Variants in RNF208 observed in about 807,000 individuals in gnomAD.
RNF208 encodes ring finger protein 208.
In RNF208, 7 loss-of-function variants were observed where a neutral mutation model predicts 15.2. The ratio of observed to expected loss-of-function variants is 0.46; its 90% confidence interval spans 0.26 to 0.86. The LOEUF is 0.86. Ranked by LOEUF, RNF208 falls within the 40% of genes least tolerant of loss-of-function variation. RNF208 has a pLI of 0.16. For missense variants in RNF208, 342 were observed against 364.1 expected (o/e 0.94, Z 0.49); for synonymous variants, 211 against 163.2 (o/e 1.29, Z -2.23).
rs756009436 is a variant in RNF208, at chr9:137,220,554, G to A, written c.659C>T (p.Thr220Met). 6.2e-6 allele frequency: 10 copies of A among 1,609,602 alleles called. No homozygotes were observed. The highest frequency in any genetic ancestry group is 2.2e-5 in the East Asian group (1 of 44,790). Reference protein sequence around the residue: ...ILSRLPPEALTAPSGGQWGAE... With the variant: ...ILSRLPPEALMAPSGGQWGAE... The stretch of plus-strand genomic sequence containing the variant: ...CCCCCACTGACCCCCGGATGGGGCC[G>A]TCAGCGCCTCAGGCGGCAGGCGGCT... Residue 220 changes from threonine (T) to methionine (M), a missense_variant, in exon 2 of 2, where the codon ACG becomes ATG. Transcript: ENST00000391553.
Position 137,220,421 on chromosome 9 carries a change from G to A in RNF208, c.*6C>T, listed in dbSNP as rs1588828935. ...TCAGCGGGCAGTGGCGGGCAGGCAGGCGCTACTACATGATGGAGCAGGCGG... is the reference window on the plus strand; with the variant it reads ...TCAGCGGGCAGTGGCGGGCAGGCAGACGCTACTACATGATGGAGCAGGCGG... On this transcript the variant is annotated 3_prime_UTR_variant, in exon 2 of 2. Transcript: ENST00000391553. 6 of 1,555,102 alleles carry A rather than the reference G, an allele frequency of 3.9e-6. No individual in the cohort carries two copies. The highest frequency in any genetic ancestry group is 2.7e-5 in the African/African-American group (2 of 74,186).
At position 137,221,250 on chromosome 9, in the gene RNF208, G is replaced by A; in HGVS notation, c.-38C>T. On this transcript the variant is annotated 5_prime_UTR_variant, in exon 2 of 2. Coordinates refer to ENST00000391553, the MANE Select transcript of RNF208 (RefSeq NM_031297.7). ...AGTCAGACTGGATGTTCGGGTGGGT[G>A]GGGGCGTTGTGTGGGGCTGGGGGGC... The A allele has an allele frequency of 7.2e-7, 1 of 1,392,608 alleles. No individual in the cohort carries two copies. Among genetic ancestry groups the A allele is most frequent in the Non-Finnish European group, 9.4e-7 (1 of 1,061,710 alleles). The allele number at this position is 1,392,608 out of a possible 1,614,324, so 86.3% of individuals were successfully genotyped here.
At position 137,221,279 on chromosome 9, in the gene RNF208, T is replaced by A; in HGVS notation, c.-67A>T. 1.0e-6 allele frequency: 1 copy of A among 977,110 alleles called. No individual in the cohort carries two copies. The highest frequency in any genetic ancestry group is 3.5e-5 in the East Asian group (1 of 28,444). 60.5% of individuals were successfully genotyped at this position (977,110 alleles called of 1,614,324 possible). A position where few individuals can be genotyped will look rare whatever the true frequency, so the allele number is the denominator to read the frequency against. On this transcript the variant is annotated 5_prime_UTR_variant, in exon 2 of 2. Coordinates refer to ENST00000391553, the MANE Select transcript of RNF208 (RefSeq NM_031297.7). ...GCGTTGTGTGGGGCTGGGGGGCAGG[T>A]GACAGGGCAGCATCCTGGTCCCGCC...
In RNF208 at chr9:137,221,242, G is replaced by A; in HGVS notation, c.-30C>T. On this transcript the variant is annotated 5_prime_UTR_variant, in exon 2 of 2. Coordinates refer to ENST00000391553, the MANE Select transcript of RNF208 (RefSeq NM_031297.7). ...CTGTCTCCAGTCAGACTGGATGTTC[G>A]GGTGGGTGGGGGCGTTGTGTGGGGC... The A allele has an allele frequency of 2.1e-6, 3 of 1,408,718 alleles. No individual in the cohort carries two copies. The highest frequency in any genetic ancestry group is 2.8e-6 in the Non-Finnish European group (3 of 1,074,660). The allele number at this position is 1,408,718 out of a possible 1,614,324, so 87.3% of individuals were successfully genotyped here.
chr9:137,220,787 C>T lies in RNF208; in HGVS notation c.426G>A (p.Glu142=), dbSNP rs1835849140. ...TGTAGGAGTGCCCACAGGTGGGGCACTCCAGGGGCTCGCCTGCCGCCGCCG... is the reference window on the plus strand; with the variant it reads ...TGTAGGAGTGCCCACAGGTGGGGCATTCCAGGGGCTCGCCTGCCGCCGCCG... The part of the protein sequence containing the change: ...ASSAAAGEPL[E]CPTCGHSYNV... Residue 142 remains glutamate, a synonymous_variant, in exon 2 of 2, where the codon GAG becomes GAA. Transcript: ENST00000391553. 2 of 1,609,872 alleles carry T rather than the reference C, an allele frequency of 1.2e-6. No homozygotes were observed. The highest frequency in any genetic ancestry group is 1.7e-6 in the Non-Finnish European group (2 of 1,178,600).
chr9:137,221,281 A>C lies in RNF208; in HGVS notation c.-69T>G. 3 of 1,102,544 alleles carry C rather than the reference A, an allele frequency of 2.7e-6. No homozygotes were observed. Among genetic ancestry groups the C allele is most frequent in the Admixed American group, 3.3e-5 (1 of 30,604 alleles). 68.3% of individuals were successfully genotyped at this position (1,102,544 alleles called of 1,614,324 possible). On this transcript the variant is annotated 5_prime_UTR_variant, in exon 2 of 2. Coordinates refer to ENST00000391553, the MANE Select transcript of RNF208 (RefSeq NM_031297.7). The stretch of plus-strand genomic sequence containing the variant: ...GTTGTGTGGGGCTGGGGGGCAGGTG[A>C]CAGGGCAGCATCCTGGTCCCGCCAG...
rs774319617 is a variant in RNF208 at position 137,220,940 on chromosome 9, G to C, written c.273C>G (p.Thr91=). ...TACGGGGCCGCCGTGGCAGTGGCGG[G>C]GTATGGGGTGCCCCTTCCAAGGCAG... ...DMPALEGAPH[T]PPLPRRPRKG... The change falls in exon 2 of 2, where the codon ACC becomes ACG. Residue 91 remains threonine (T), a synonymous_variant. Coordinates refer to ENST00000391553, the MANE Select transcript of RNF208 (RefSeq NM_031297.7). 30 of 1,551,830 alleles carry C rather than the reference G, an allele frequency of 1.9e-5. No homozygotes were observed. The highest frequency in any genetic ancestry group is 7.5e-5 in the Admixed American group (4 of 53,534).
upstream of RNF208, among the ~76,000 whole-genome samples, chr9:137,223,335 C>G (rs2131389359): frequency 6.6e-6 from 1 of 152,340 alleles, no homozygotes; most frequent in South Asian, 2.1e-4. Flanking sequence ...CAGCCTGGGC[C>G]TGGGGAGGGC....
At position 137,220,473 on chromosome 9, in the gene RNF208, C is replaced by A; in HGVS notation, c.740G>T (p.Cys247Phe). 6.3e-7 allele frequency: 1 copy of A among 1,598,192 alleles called. No individual in the cohort carries two copies. Among genetic ancestry groups the A allele is most frequent in the Non-Finnish European group, 8.5e-7 (1 of 1,172,580 alleles). The change falls in exon 2 of 2, where the codon TGC becomes TTC. Residue 247 changes from cysteine (C) to phenylalanine (F), a missense_variant. This residue lies in a region of RNF208 where 59 missense variants were observed against 52.4 expected (regional missense o/e 1.13). Transcript: ENST00000391553. Reference protein sequence around the residue: ...QTFRQYCGAACTCHVRNPLSA... With the variant: ...QTFRQYCGAAFTCHVRNPLSA... ...CAGTGGGTTCCGCACGTGGCAGGTG[C>A]ACGCGGCCCCACAGTACTGCCGGAA...
At chr9:137,223,036 C>T (rs1835896948), upstream of RNF208, among the ~76,000 whole-genome samples, 1 of 152,222 alleles carries the variant, frequency 6.6e-6, no homozygotes, top group African/African-American at 2.4e-5. Context: ...GACATCCTGG[C>T]CTCCTTCAGC....
At position 137,220,601 on chromosome 9, in the gene RNF208, C is replaced by T. The variant is rs763505353; in HGVS notation, c.612G>A (p.Leu204=). 15 of 1,612,042 alleles carry T rather than the reference C, an allele frequency of 9.3e-6. No homozygotes were observed. The highest frequency in any genetic ancestry group is 1.7e-5 in the Admixed American group (1 of 59,936). The change falls in exon 2 of 2, where the codon CTG becomes CTA. Residue 204 remains leucine, a synonymous_variant. Transcript: ENST00000391553. ...GGCTCAGGATGGACGTGTTGACAGC[C>T]AGCGCGGCCAGGCCGTAGTCGGTGA... The part of the protein sequence containing the change: ...VLFTDYGLAA[L]AVNTSILSRL...
rs1377904977 is a variant in RNF208, at chr9:137,222,160, CGGGCGCGGGCGTG to C, written c.-711_-699del. Among the ~76,000 whole-genome samples the C allele has an allele frequency of 1.4e-5, 2 of 146,094 alleles. No homozygotes were observed. Among genetic ancestry groups the C allele is most frequent in the Admixed American group, 6.8e-5 (1 of 14,694 alleles). ...GGGGCCCGGGCGGCACCGAGGGGCG[CGGGCGCGGGCGTG>C]GGGCGCGGGGCGCGGGTTTCGGCAC... On this transcript the variant is annotated 5_prime_UTR_variant, in exon 1 of 2. Coordinates refer to ENST00000391553, the MANE Select transcript of RNF208 (RefSeq NM_031297.7).
At position 137,222,032 on chromosome 9, in the gene RNF208, G is replaced by A. The variant is rs886536850; in HGVS notation, c.-570C>T. Among the ~76,000 whole-genome samples the A allele has an allele frequency of 1.3e-5, 2 of 150,922 alleles. No individual in the cohort carries two copies. The highest frequency in any genetic ancestry group is 3.0e-5 in the Non-Finnish European group (2 of 67,608). On this transcript the variant is annotated 5_prime_UTR_variant, in exon 1 of 2. Coordinates refer to ENST00000391553, the MANE Select transcript of RNF208 (RefSeq NM_031297.7). ...CCGGCCGCGCGCCGCCGCCGCAGAGGTTGTCTCAAAGGCAGGCCCGGACGC... is the reference window on the plus strand; with the variant it reads ...CCGGCCGCGCGCCGCCGCCGCAGAGATTGTCTCAAAGGCAGGCCCGGACGC...
At position 137,221,078 on chromosome 9, in the gene RNF208, C is replaced by G. The variant is rs371992033; in HGVS notation, c.135G>C (p.Pro45=). ...IVHPEKFPEL[P]AAPCFPPAPR... is the part of the protein sequence containing the mutation. ...GAGCAGGCGGGAAGCAGGGGGCAGC[C>G]GGTAGCTCAGGGAACTTTTCAGGGT... The change falls in exon 2 of 2, where the codon CCG becomes CCC. Residue 45 remains proline, a synonymous_variant. Coordinates refer to ENST00000391553, the MANE Select transcript of RNF208 (RefSeq NM_031297.7). 7.5e-6 allele frequency: 12 copies of G among 1,604,608 alleles called. No individual in the cohort carries two copies. The Middle Eastern group carries it at 2.0e-3, about 265-fold the overall frequency.
chr9:137,223,239 G>C (rs976299813), upstream of RNF208, among the ~76,000 whole-genome samples: 4 of 152,248 alleles, frequency 2.6e-5, no homozygotes, highest in African/African-American at 4.8e-5. Context: ...TCACTCAGAA[G>C]AGCAATAGGG....
chr9:137,221,248 GTGGGGGCGTTGTGTGGGGC>G lies in RNF208; in HGVS notation c.-55_-37del. On this transcript the variant is annotated 5_prime_UTR_variant, in exon 2 of 2. It removes the in-frame stop codon of an upstream open reading frame in the 5' UTR. Transcript: ENST00000391553. Reference sequence around the variant, plus strand: ...CCAGTCAGACTGGATGTTCGGGTGGGTGGGGGCGTTGTGTGGGGCTGGGGGGCAGGTGACAGGGCAGCAT... The same window carrying G: ...CCAGTCAGACTGGATGTTCGGGTGGGTGGGGGGCAGGTGACAGGGCAGCAT... 7.2e-7 allele frequency: 1 copy of G among 1,382,196 alleles called. No individual in the cohort carries two copies. The highest frequency in any genetic ancestry group is 9.5e-7 in the Non-Finnish European group (1 of 1,054,832). The allele number at this position is 1,382,196 out of a possible 1,614,324, so 85.6% of individuals were successfully genotyped here.
At position 137,220,778 on chromosome 9, in the gene RNF208, G is replaced by A. The variant is rs1053307591; in HGVS notation, c.435C>T (p.Thr145=). Reference sequence around the variant, plus strand: ...GGGTGACATTGTAGGAGTGCCCACAGGTGGGGCACTCCAGGGGCTCGCCTG... The same window carrying A: ...GGGTGACATTGTAGGAGTGCCCACAAGTGGGGCACTCCAGGGGCTCGCCTG... The part of the protein sequence containing the change: ...AAAGEPLECP[T]CGHSYNVTQR... The change falls in exon 2 of 2, where the codon ACC becomes ACT. Residue 145 remains threonine (T), a synonymous_variant. Coordinates refer to ENST00000391553, the MANE Select transcript of RNF208 (RefSeq NM_031297.7). The A allele has an allele frequency of 9.3e-6, 15 of 1,611,666 alleles. No homozygotes were observed. The Admixed American group carries it at 1.5e-4, about 16-fold the overall frequency.
chr9:137,221,234 G>T lies in RNF208; in HGVS notation c.-22C>A. 7.2e-7 allele frequency: 1 copy of T among 1,388,604 alleles called. No homozygotes were observed. Among genetic ancestry groups the T allele is most frequent in the Non-Finnish European group, 9.4e-7 (1 of 1,068,978 alleles). The allele number at this position is 1,388,604 out of a possible 1,614,324, so 86.0% of individuals were successfully genotyped here. ...GCATCCGGCTGTCTCCAGTCAGACT[G>T]GATGTTCGGGTGGGTGGGGGCGTTG... On this transcript the variant is annotated 5_prime_UTR_variant, in exon 2 of 2. Transcript: ENST00000391553.
In RNF208 at chr9:137,220,686, T is replaced by A; in HGVS notation, c.527A>T (p.Glu176Val). The stretch of plus-strand genomic sequence containing the variant: ...GATGAACTTGTACTTGGGGCAGGAC[T>A]CGTAGAGAATCTGCAGGCACTGCTC... ...VCEQCLQILY[E>V]SCPKYKFISC... is the part of the protein sequence containing the mutation. Residue 176 changes from glutamate (E) to valine (V), a missense_variant, in exon 2 of 2, where the codon GAG becomes GTG. Glu to Val is a moderately radical substitution (Grantham distance 121). This residue lies in a region of RNF208 where 76 missense variants were observed against 118.0 expected (regional missense o/e 0.64). Coordinates refer to ENST00000391553, the MANE Select transcript of RNF208 (RefSeq NM_031297.7). The A allele has an allele frequency of 6.2e-7, 1 of 1,612,452 alleles. No homozygotes were observed. The highest frequency in any genetic ancestry group is 8.5e-7 in the Non-Finnish European group (1 of 1,179,894).
Sources: allele counts gnomAD v4.1 joint callset (sites outside exome capture counted in the v4.1 genomes callset), GRCh38; gene constraint gnomAD v4.1.1; regional missense constraint gnomAD v4.1.1; transcripts MANE v1.5; gene names NCBI Gene and HGNC (gene_info 2026-07-23, HGNC 2026-07-21).